Variants in HSPA14 observed in about 807,000 individuals in gnomAD.
The protein encoded by HSPA14 is heat shock 70 kDa protein 14.
HSPA14 carries 37 observed loss-of-function variants against 65.5 expected under a neutral mutation model. The ratio of observed to expected loss-of-function variants is 0.56; its 90% CI spans 0.43 to 0.74. The LOEUF is 0.74. Ranked by LOEUF, HSPA14 falls within the 30% of genes least tolerant of loss-of-function variation. HSPA14 has a pLI of 0.00. For synonymous variants in HSPA14, 203 were observed against 214.2 expected, an observed-to-expected ratio of 0.95 and a Z score of 0.46; for missense variants, 564 against 607.6, an observed-to-expected ratio of 0.93 and a Z score of 0.75.
intron 12 of HSPA14, among the ~76,000 whole-genome samples, chr10:14,869,543 C>A (rs1349606749): frequency 6.6e-6 from 1 of 152,176 alleles, no homozygotes; most frequent in Non-Finnish European, 1.5e-5. Context: ...GATCTGCCTG[C>A]CTCAGCCTCC....
Position 14,870,581 on chromosome 10 carries a change from G to T in HSPA14, c.1381-16G>T, listed in dbSNP as rs780271964. The T allele has an allele frequency of 6.3e-7, 1 of 1,577,034 alleles. No homozygotes were observed. Among genetic ancestry groups the T allele is most frequent in the Non-Finnish European group, 8.6e-7 (1 of 1,158,356 alleles). On this transcript the variant is annotated splice_polypyrimidine_tract_variant and intron_variant, in intron 12 of 13. Transcript: ENST00000378372. Reference sequence around the variant, plus strand: ...AAAGATGCTGAATTCTCTTCATATTGTTCTTGTATAAACAGGTTGTACTCC... The same window carrying T: ...AAAGATGCTGAATTCTCTTCATATTTTTCTTGTATAAACAGGTTGTACTCC...
chr10:14,870,876 A>C (rs1035607657), intron 13 of HSPA14, among the ~76,000 whole-genome samples: 1 of 152,186 alleles, frequency 6.6e-6, no homozygotes, highest in African/African-American at 2.4e-5. Context: ...TGAATATTTT[A>C]GGAACTCTTT....
chr10:14,844,374 G>A lies in HSPA14; in HGVS notation c.221+4217G>A, dbSNP rs1241646873. ...GCAGATTGGTTTACAAGATACAGAA[G>A]TATGGATATATACTGTGACTTCATT... On this transcript the variant is annotated intron_variant, in intron 3 of 13. Coordinates refer to ENST00000378372, the MANE Select transcript of HSPA14 (RefSeq NM_016299.4). 8.8e-6 allele frequency: 9 copies of A among 1,020,656 alleles called. No individual in the cohort carries two copies. In the Admixed American group the frequency reaches 4.0e-4, roughly 46 times the overall value. The allele number at this position is 1,020,656 out of a possible 1,614,324, so 63.2% of individuals were successfully genotyped here. A position where few individuals can be genotyped will look rare whatever the true frequency, so the allele number is the denominator to read the frequency against.
chr10:14,867,755 C>G lies in HSPA14; in HGVS notation c.1226C>G (p.Ala409Gly). Residue 409 changes from alanine (A) to glycine (G), a missense_variant, in exon 12 of 14, where the codon GCC (alanine) becomes GGC (glycine). Coordinates refer to ENST00000378372, the MANE Select transcript of HSPA14 (RefSeq NM_016299.4). ...AACTAGGGTGTGGACGAATCAGGAG[C>G]CAGTAGATTCACAGTGCTGTTTCCA... is the stretch of plus-strand genomic sequence containing the variant. ...ILVKGVDESG[A>G]SRFTVLFPSG... is the part of the protein sequence containing the mutation. 6.2e-7 allele frequency: 1 copy of G among 1,613,748 alleles called. No individual in the cohort carries two copies. The highest frequency in any genetic ancestry group is 1.1e-5 in the South Asian group (1 of 91,014).
chr10:14,858,816 G>A (rs921740581), intron 10 of HSPA14, among the ~76,000 whole-genome samples: 6 of 152,144 alleles, frequency 3.9e-5, no homozygotes, highest in Admixed American at 3.3e-4. Flanking sequence ...ATTTTCAGAT[G>A]AGGAAACTAA....
At chr10:14,867,636 G>T (rs1317908016) in intron 11 of HSPA14, 100 bp from the exon 12 acceptor site, 2 of 1,026,744 alleles carry the variant, frequency 1.9e-6, no homozygotes, top group African/African-American at 3.2e-5. Context: ...CTAGTGTCCT[G>T]TTTATCAATA....
intron 10 of HSPA14, among the ~76,000 whole-genome samples, chr10:14,865,071 A>G (rs567116129): frequency 6.6e-6 from 1 of 152,332 alleles, no homozygotes; most frequent in Non-Finnish European, 1.5e-5. Flanking sequence ...TCTGATGGCC[A>G]GTGATGATGA....
chr10:14,840,878 A>G (rs1344411740), intron 3 of HSPA14, among the ~76,000 whole-genome samples: 1 of 152,228 alleles, frequency 6.6e-6, no homozygotes, highest in Non-Finnish European at 1.5e-5. Context: ...CAACGCAAAT[A>G]CTATCATTCC....
chr10:14,843,823 G>A (rs1450901068), intron 3 of HSPA14: 1 of 1,536,416 alleles, frequency 6.5e-7, no homozygotes, highest in African/African-American at 1.4e-5. Flanking sequence ...AGCAGTGGAA[G>A]AGGCAACTGG....
intron 2 of HSPA14, 24 bp downstream of exon 2, chr10:14,840,009 C>T: frequency 6.4e-7 from 1 of 1,556,688 alleles, no homozygotes; most frequent in South Asian, 1.2e-5. Context: ...CATTTTTGTA[C>T]TTCTGAAATA....
chr10:14,840,738 AG>A (rs1322103913), intron 3 of HSPA14, among the ~76,000 whole-genome samples: 2 of 152,240 alleles, frequency 1.3e-5, no homozygotes, highest in African/African-American at 4.8e-5. Flanking sequence ...CTCAAATTAT[AG>A]ATTGCTATAA....
chr10:14,839,260 T>A (rs1343204565), intron 1 of HSPA14, among the ~76,000 whole-genome samples: 1 of 152,194 alleles, frequency 6.6e-6, no homozygotes, highest in Non-Finnish European at 1.5e-5. Context: ...AAGGGAATAA[T>A]ACTACTTCAT....
chr10:14,851,137 T>G, intron 6 of HSPA14, 82 bp from the exon 7 acceptor site: 1 of 780,268 alleles, frequency 1.3e-6, no homozygotes, highest in East Asian at 2.5e-5. Context: ...AGCTTTTGTA[T>G]AAAATCTTTA....
chr10:14,864,035 C>A (rs1026792550), intron 10 of HSPA14, among the ~76,000 whole-genome samples: 3 of 151,324 alleles, frequency 2.0e-5, no homozygotes, highest in Non-Finnish European at 2.9e-5. Flanking sequence ...GCCTGTGTTG[C>A]TGGCACCTTA....
intron 7 of HSPA14, among the ~76,000 whole-genome samples, chr10:14,851,770 C>A (rs1356853204): frequency 1.3e-5 from 2 of 152,154 alleles, no homozygotes; most frequent in Non-Finnish European, 2.9e-5. Context: ...ATATAGCTGT[C>A]AATATGTCTT....
intron 2 of HSPA14, 28 bp from the exon 3 acceptor site, chr10:14,840,041 AATATAT>A: frequency 1.1e-5 from 13 of 1,194,498 alleles, no homozygotes; most frequent in East Asian, 2.8e-5. Flanking sequence ...CATACATTGT[AATATAT>A]ATATATATAT....
intron 3 of HSPA14, among the ~76,000 whole-genome samples, 186 bp from the exon 4 acceptor site, chr10:14,848,423 C>A (rs913625820): frequency 2.0e-5 from 3 of 152,138 alleles, no homozygotes; most frequent in Non-Finnish European, 4.4e-5. Context: ...ATTACTATAA[C>A]CCTTATAAAT....
intron 6 of HSPA14, chr10:14,850,968 T>C (rs1834104318): frequency 6.6e-6 from 2 of 303,384 alleles, no homozygotes; most frequent in Non-Finnish European, 1.2e-5. Context: ...ATTTCTCTTA[T>C]TCAGTACGTG....
At chr10:14,855,790 T>A (rs1834141564) in intron 9 of HSPA14, 51 bp from the exon 10 acceptor site, 4 of 966,632 alleles carry the variant, frequency 4.1e-6, no homozygotes, top group Non-Finnish European at 6.5e-6. Flanking sequence ...CGTTTTATCT[T>A]TCTCTTGTCC....
Sources: allele counts gnomAD v4.1 joint callset (sites outside exome capture counted in the v4.1 genomes callset), GRCh38; gene constraint gnomAD v4.1.1; transcripts MANE v1.5; gene names NCBI Gene and HGNC (gene_info 2026-07-23, HGNC 2026-07-21).